KDM4A: variants seen among roughly 807,000 people sequenced by gnomAD.
KDM4A encodes the protein lysine demethylase 4A, also known as lysine-specific demethylase 4A.
Under a neutral mutation model 127.1 loss-of-function variants are expected in KDM4A, and 23 were observed. That is an observed-to-expected ratio of 0.18 (90% CI 0.13 to 0.26). The LOEUF is 0.26. Ranked by LOEUF, KDM4A falls within the 10% of genes least tolerant of loss-of-function variation. The pLI is 1.00. For synonymous variants in KDM4A, 443 were observed against 466.5 expected, an observed-to-expected ratio of 0.95 and a Z score of 0.65; for missense variants, 890 against 1,329.1, an observed-to-expected ratio of 0.67 and a Z score of 5.14.
At chr1:43,697,725 A>G in intron 18 of KDM4A, 118 bp from the exon 19 acceptor site, 2 of 980,934 alleles carry the variant, frequency 2.0e-6, no homozygotes, top group Non-Finnish European at 3.0e-6. Context: ...TCTCCTTTTT[A>G]CTTTTACTTT....
At chr1:43,702,559 C>T (rs1661425518) in intron 19 of KDM4A, 1 of 152,148 alleles carries the variant, frequency 6.6e-6, no homozygotes, top group Admixed American at 6.5e-5. Context: ...CCCAGGTATA[C>T]CTATCAGACC....
At chr1:43,681,886 TC>T (rs1432804577) in intron 11 of KDM4A, among the ~76,000 whole-genome samples, 1 of 148,404 alleles carries the variant, frequency 6.7e-6, no homozygotes, top group Admixed American at 6.7e-5. Context: ...GGGTACATGC[TC>T]CTAAATTTTC....
intron 11 of KDM4A, among the ~76,000 whole-genome samples, chr1:43,682,657 A>G (rs1445703300): frequency 1.3e-5 from 2 of 152,234 alleles, no homozygotes; most frequent in Non-Finnish European, 2.9e-5. Context: ...ACTTGTTGGC[A>G]AAATGTATGT....
chr1:43,703,487 C>G, intron 19 of KDM4A, 130 bp from the exon 20 acceptor site: 1 of 1,120,960 alleles, frequency 8.9e-7, no homozygotes, highest in Non-Finnish European at 1.3e-6. Context: ...TAACATTTTT[C>G]AGCCCAGAGA....
intron 20 of KDM4A, 127 bp downstream of exon 20, chr1:43,703,863 G>T: frequency 7.2e-7 from 1 of 1,387,212 alleles, no homozygotes; most frequent in East Asian, 2.3e-5. Context: ...AGAGCTAGGG[G>T]TCTGCCCTGT....
At chr1:43,701,210 C>T (rs867867794) in intron 19 of KDM4A, among the ~76,000 whole-genome samples, 1 of 152,110 alleles carries the variant, frequency 6.6e-6, no homozygotes. Flanking sequence ...TGAGCCACCA[C>T]GCCCGGCCAT....
chr1:43,664,563 T>C (rs1215142226), intron 5 of KDM4A, among the ~76,000 whole-genome samples: 1 of 152,168 alleles, frequency 6.6e-6, no homozygotes, highest in Non-Finnish European at 1.5e-5. Flanking sequence ...CACTTTCAGG[T>C]CTTTTTTCAG....
At position 43,666,525 on chromosome 1, in the gene KDM4A, G is replaced by C. The variant is rs1177572722; in HGVS notation, c.747G>C (p.Met249Ile). ...RHKMTLISPLMLKKYGIPFDK... is the reference protein window; with the variant it reads ...RHKMTLISPLILKKYGIPFDK... ...AGATGACCCTGATTTCCCCGTTAAT[G>C]CTGAAGAAATATGGAATTCCCTTTG... The change falls in exon 7 of 22, where the codon ATG becomes ATC. Residue 249 changes from methionine (M) to isoleucine (I), a missense_variant. This residue lies in a region of KDM4A where 141 missense variants were observed against 273.5 expected (regional missense o/e 0.52). Coordinates refer to ENST00000372396, the MANE Select transcript of KDM4A (RefSeq NM_014663.3). The C allele has an allele frequency of 6.2e-7, 1 of 1,614,186 alleles. No homozygotes were observed. The highest frequency in any genetic ancestry group is 1.3e-5 in the African/African-American group (1 of 75,064).
chr1:43,671,405 C>T, intron 10 of KDM4A, 100 bp from the exon 11 acceptor site: 2 of 1,314,624 alleles, frequency 1.5e-6, no homozygotes, highest in Non-Finnish European at 2.0e-6. Flanking sequence ...AGCCAGGTCC[C>T]ATTCCCCGCC....
chr1:43,704,550 G>A lies in KDM4A; in HGVS notation c.*180G>A, dbSNP rs979970913. 4.4e-6 allele frequency: 3 copies of A among 677,048 alleles called. No individual in the cohort carries two copies. The highest frequency in any genetic ancestry group is 2.0e-5 in the South Asian group (1 of 50,106). The allele number at this position is 677,048 out of a possible 1,614,324, so 41.9% of individuals were successfully genotyped here. On this transcript the variant is annotated 3_prime_UTR_variant, in exon 22 of 22. Coordinates refer to ENST00000372396, the MANE Select transcript of KDM4A (RefSeq NM_014663.3). ...TTGCATTCCGCTGTAGTGAAAGGAC[G>A]AGCCATTTCTGGGCACGTGGCAGCA... is the stretch of plus-strand genomic sequence containing the variant.
In KDM4A at chr1:43,693,480, C is replaced by T. The variant is rs564602865; in HGVS notation, c.2376-514C>T. On this transcript the variant is annotated intron_variant, in intron 16 of 21. Transcript: ENST00000372396. This position sits in a 1 kb window ranked among gnomAD's most constrained non-coding sequence, Gnocchi z 4.2. ...CTCTCAGAGTAAGTGGGGCTTGGGT[C>T]AGACCTTAAAGATTAAAGAGTGAGT... Among the ~76,000 whole-genome samples, 54 of 152,306 alleles carry T rather than the reference C, an allele frequency of 3.5e-4. No individual in the cohort carries two copies. The highest frequency in any genetic ancestry group is 3.3e-3 in the Admixed American group (50 of 15,304).
chr1:43,695,033 G>A (rs1661210932), intron 18 of KDM4A, 139 bp downstream of exon 18: 1 of 851,690 alleles, frequency 1.2e-6, no homozygotes, highest in African/African-American at 1.7e-5. Flanking sequence ...AAGAGATTGA[G>A]AGGTGGCCCC....
chr1:43,661,625 A>AG lies in KDM4A; in HGVS notation c.429+1213_429+1214insG, dbSNP rs1425881360. Among the ~76,000 whole-genome samples, 14 of 147,678 alleles carry AG rather than the reference A, an allele frequency of 9.5e-5. 1 individual carries two copies. Among genetic ancestry groups the AG allele is most frequent in the African/African-American group, 3.0e-4 (12 of 39,388 alleles). ...CTCTGTCTCAAAAAAAAAAAAAAAA[A>AG]AAAAAAAAAAAAAAAGAATTCCAGT... On this transcript the variant is annotated intron_variant, in intron 4 of 21. Coordinates refer to ENST00000372396, the MANE Select transcript of KDM4A (RefSeq NM_014663.3).
At chr1:43,686,172 T>TC (rs1491124700) in intron 12 of KDM4A, among the ~76,000 whole-genome samples, 17 of 129,596 alleles carry the variant, frequency 1.3e-4, no homozygotes, top group African/African-American at 5.2e-4. Context: ...TTTTTTTTTT[T>TC]GAGAAGGAGT....
chr1:43,654,778 T>G (rs1260008722), intron 2 of KDM4A, among the ~76,000 whole-genome samples: 1 of 147,614 alleles, frequency 6.8e-6, no homozygotes, highest in African/African-American at 2.4e-5. Context: ...AACAATACTC[T>G]CTAATTAAAA....
intron 11 of KDM4A, among the ~76,000 whole-genome samples, chr1:43,677,464 A>G (rs1478218029): frequency 2.0e-5 from 3 of 152,116 alleles, no homozygotes. Flanking sequence ...TCCATAATCA[A>G]ATTTCCTCAT....
At chr1:43,653,778 C>G (rs1660172481) in intron 2 of KDM4A, 1 of 152,384 alleles carries the variant, frequency 6.6e-6, no homozygotes, top group Admixed American at 6.5e-5. Flanking sequence ...AAATTGGTTT[C>G]TGGTTTGTAC....
At chr1:43,667,591 C>G (rs925461626) in intron 8 of KDM4A, among the ~76,000 whole-genome samples, 181 bp from the exon 9 acceptor site, 1 of 152,174 alleles carries the variant, frequency 6.6e-6, no homozygotes, top group African/African-American at 2.4e-5. Context: ...CTTTTTTTCC[C>G]TGCTTCCCTT....
At chr1:43,657,682 C>T (rs1428005647) in intron 3 of KDM4A, among the ~76,000 whole-genome samples, 1 of 152,024 alleles carries the variant, frequency 6.6e-6, no homozygotes, top group Admixed American at 6.6e-5. Context: ...CTGTTTCTCA[C>T]ATGGAATTCA....
Sources: gnomAD v4.1 joint callset for allele counts (sites outside exome capture counted in the v4.1 genomes callset) on GRCh38, gnomAD v4.1.1 for gene constraint, gnomAD v4.1.1 regional missense constraint, Gnocchi (gnomAD v3.1) non-coding constraint, MANE v1.5 for transcripts, NCBI Gene and HGNC (gene_info 2026-07-23, HGNC 2026-07-21) for gene names.